The following ARHGAP15 variants were observed in gnomAD, a reference collection of about 807,000 sequenced individuals.
The protein encoded by ARHGAP15 is Rho GTPase activating protein 15, also known as rho GTPase-activating protein 15.
In ARHGAP15, 51 loss-of-function variants were observed where a neutral mutation model predicts 63.7. That is an observed-to-expected ratio of 0.80 (90% CI 0.64 to 1.01). The LOEUF is 1.01. Among genes scored for constraint, ARHGAP15 ranks in the 50% least tolerant of loss-of-function variants. The pLI is 0.00. For missense variants in ARHGAP15, 560 were observed against 564.6 expected (o/e 0.99, Z 0.08); for synonymous variants, 191 against 193.8 (o/e 0.99, Z 0.12).
intron 6 of ARHGAP15, among the ~76,000 whole-genome samples, chr2:143,357,921 AAG>A (rs1341090524): frequency 2.6e-5 from 4 of 152,236 alleles, no homozygotes; most frequent in Non-Finnish European, 5.9e-5. Context: ...CATAAACCTT[AAG>A]AGAGTATTTA....
At chr2:143,730,944 T>TTTA (rs1559149820) in intron 13 of ARHGAP15, among the ~76,000 whole-genome samples, 1 of 3,936 alleles carries the variant, frequency 2.5e-4, no homozygotes, top group African/African-American at 1.3e-3. Context: ...TTTTTTTTTT[T>TTTA]TTGATTCAGT....
intron 2 of ARHGAP15, among the ~76,000 whole-genome samples, chr2:143,168,413 A>G (rs758725983): frequency 6.6e-6 from 1 of 152,034 alleles, no homozygotes; most frequent in Non-Finnish European, 1.5e-5. Flanking sequence ...TCCCAGCCTC[A>G]AGCAATCCTC....
intron 12 of ARHGAP15, among the ~76,000 whole-genome samples, chr2:143,698,257 C>G (rs1160652201): frequency 6.6e-6 from 1 of 152,096 alleles, no homozygotes; most frequent in Non-Finnish European, 1.5e-5. Flanking sequence ...ACATTGGATC[C>G]AAGGTTCTTC....
At chr2:143,541,998 G>C (rs974941660) in intron 10 of ARHGAP15, among the ~76,000 whole-genome samples, 40 of 152,212 alleles carry the variant, frequency 2.6e-4, no homozygotes, top group Non-Finnish European at 3.2e-4. Flanking sequence ...AGGCAGGCAG[G>C]CCTCCTTGAG....
At chr2:143,148,014 A>G (rs545115709) in intron 1 of ARHGAP15, among the ~76,000 whole-genome samples, 1 of 152,180 alleles carries the variant, frequency 6.6e-6, no homozygotes. Flanking sequence ...CCCAGGATCT[A>G]TAAGACAAAA....
intron 1 of ARHGAP15, among the ~76,000 whole-genome samples, chr2:143,145,980 AAAAT>A (rs1424131993): frequency 3.3e-5 from 5 of 151,842 alleles, no homozygotes; most frequent in East Asian, 1.9e-4. Context: ...CATAGTTCTA[AAAAT>A]AAATAAAGTT....
At chr2:143,387,180 G>T (rs912115596) in intron 6 of ARHGAP15, among the ~76,000 whole-genome samples, 3 of 152,004 alleles carry the variant, frequency 2.0e-5, no homozygotes, top group African/African-American at 7.2e-5. Flanking sequence ...TTAATTCCTA[G>T]GGAAAAAAGA....
chr2:143,396,421 G>A (rs1687759812), intron 6 of ARHGAP15, among the ~76,000 whole-genome samples: 1 of 151,926 alleles, frequency 6.6e-6, no homozygotes, highest in Admixed American at 6.6e-5. Context: ...GCTTAACTCA[G>A]GAATACAGCA....
chr2:143,371,098 T>G (rs1686529306), intron 6 of ARHGAP15, among the ~76,000 whole-genome samples: 1 of 152,216 alleles, frequency 6.6e-6, no homozygotes, highest in Admixed American at 6.5e-5. Context: ...CTATTTGAGG[T>G]CTACTTTTGA....
At chr2:143,173,378 G>A (rs930317839) in intron 2 of ARHGAP15, among the ~76,000 whole-genome samples, 9 of 151,628 alleles carry the variant, frequency 5.9e-5, no homozygotes, top group South Asian at 4.2e-4. Flanking sequence ...ATGTTTTTTC[G>A]TCTCCTATAA....
intron 13 of ARHGAP15, among the ~76,000 whole-genome samples, chr2:143,716,101 G>A (rs570203997): frequency 6.6e-6 from 1 of 152,258 alleles, no homozygotes; most frequent in Admixed American, 6.5e-5. Context: ...GAAGATCTGT[G>A]CAGCAAACCA....
chr2:143,374,384 C>G (rs1686712178), intron 6 of ARHGAP15, among the ~76,000 whole-genome samples: 1 of 152,118 alleles, frequency 6.6e-6, no homozygotes, highest in African/African-American at 2.4e-5. Context: ...CTACCCCACC[C>G]TGCCATATCC....
chr2:143,499,821 C>A (rs992221253), intron 9 of ARHGAP15, among the ~76,000 whole-genome samples: 2 of 152,210 alleles, frequency 1.3e-5, no homozygotes, highest in Middle Eastern at 6.8e-3. Flanking sequence ...AAAGCCTCTC[C>A]TTTGCTTTCT....
intron 1 of ARHGAP15, among the ~76,000 whole-genome samples, chr2:143,150,052 T>C (rs1689755862): frequency 6.6e-6 from 1 of 151,828 alleles, no homozygotes; most frequent in Non-Finnish European, 1.5e-5. Context: ...TGCTGGGGGG[T>C]GTGGGCCCTG....
chr2:143,608,795 T>A (rs1333185513), intron 11 of ARHGAP15: 4 of 152,224 alleles, frequency 2.6e-5, no homozygotes, highest in African/African-American at 4.8e-5. Context: ...AAAGTGATAA[T>A]CCTGATGCAG....
At chr2:143,620,522 G>A (rs1225964636) in intron 11 of ARHGAP15, among the ~76,000 whole-genome samples, 1 of 152,166 alleles carries the variant, frequency 6.6e-6, no homozygotes, top group African/African-American at 2.4e-5. Flanking sequence ...TGACATAATA[G>A]TCAATCAACT....
intron 4 of ARHGAP15, among the ~76,000 whole-genome samples, chr2:143,224,125 A>G (rs1693109423): frequency 6.6e-6 from 1 of 152,250 alleles, no homozygotes. Context: ...GGAACAGAGC[A>G]GAAGCCAGTG....
chr2:143,746,719 T>TTA (rs1191086137), intron 13 of ARHGAP15, among the ~76,000 whole-genome samples: 1 of 152,170 alleles, frequency 6.6e-6, no homozygotes, highest in Non-Finnish European at 1.5e-5. Context: ...ATGAAATAAC[T>TTA]TAGCGATAAA....
intron 12 of ARHGAP15, 87 bp downstream of exon 12, chr2:143,624,354 AATC>A: frequency 7.1e-7 from 1 of 1,403,644 alleles, no homozygotes; most frequent in Non-Finnish European, 9.4e-7. Context: ...TTATAATAAT[AATC>A]ATGGGGAACA....
Sources: allele counts gnomAD v4.1 joint callset (sites outside exome capture counted in the v4.1 genomes callset), GRCh38; gene constraint gnomAD v4.1.1; transcripts MANE v1.5; gene names NCBI Gene and HGNC (gene_info 2026-07-23, HGNC 2026-07-21).